ASCC2: variants seen among roughly 807,000 people sequenced by gnomAD.
The protein encoded by ASCC2 is activating signal cointegrator 1 complex subunit 2.
In ASCC2, 42 loss-of-function variants were observed where a neutral mutation model predicts 93.5. The observed-to-expected ratio is 0.45, with a 90% CI of 0.35 to 0.58. The LOEUF is 0.58. Ranked by LOEUF, ASCC2 falls within the 20% of genes least tolerant of loss-of-function variation. ASCC2 has a pLI of 0.00. For missense variants in ASCC2, 859 were observed against 977.6 expected (o/e 0.88, Z 1.62); for synonymous variants, 364 against 384.2 (o/e 0.95, Z 0.62).
intron 6 of ASCC2, chr22:29,815,115 T>C (rs1289535242): frequency 1.3e-5 from 3 of 226,178 alleles, no homozygotes; most frequent in South Asian, 5.2e-5. Flanking sequence ...GGCAACATGG[T>C]GAGACCCCCA....
At chr22:29,804,360 TC>T (rs1395734498) in intron 13 of ASCC2, among the ~76,000 whole-genome samples, 1 of 152,166 alleles carries the variant, frequency 6.6e-6, no homozygotes, top group East Asian at 1.9e-4. Flanking sequence ...ATGGAAACGT[TC>T]ATGGAAAGTT....
rs1234936582 is a variant in ASCC2, at chr22:29,807,147, A to G, written c.909-243T>C. On this transcript the variant is annotated intron_variant, in intron 9 of 19. Transcript: ENST00000307790. Reference sequence around the variant, plus strand: ...TTCCAGCTCCTGGGGAGGCTAAGGCAGGGGGATCGCATTCGCCTGGGAGGT... The same window carrying G: ...TTCCAGCTCCTGGGGAGGCTAAGGCGGGGGGATCGCATTCGCCTGGGAGGT... 3.6e-5 allele frequency among the ~76,000 whole-genome samples: 5 copies of G among 139,988 alleles called. No homozygotes were observed. The East Asian group carries it at 1.2e-3, about 33-fold the overall frequency. The allele number at this position is 139,988 out of a possible 152,430, so 91.8% of individuals were successfully genotyped here.
chr22:29,823,008 C>A (rs2061781792), intron 4 of ASCC2, among the ~76,000 whole-genome samples: 1 of 151,396 alleles, frequency 6.6e-6, no homozygotes, highest in African/African-American at 2.4e-5. Context: ...GTGTAAGCCA[C>A]AGTGCCCAGC....
intron 7 of ASCC2, 54 bp from the exon 8 acceptor site, chr22:29,813,596 T>G: frequency 8.4e-7 from 1 of 1,195,738 alleles, no homozygotes; most frequent in Non-Finnish European, 1.2e-6. Flanking sequence ...CATACAGATC[T>G]GCAGAGCACC....
intron 4 of ASCC2, among the ~76,000 whole-genome samples, chr22:29,824,276 AC>A (rs2148212435): frequency 6.6e-6 from 1 of 152,022 alleles, no homozygotes; most frequent in East Asian, 1.9e-4. Context: ...ACACACACAC[AC>A]ACACACACAC....
intron 17 of ASCC2, among the ~76,000 whole-genome samples, chr22:29,792,982 C>CA (rs1351687657): frequency 3.3e-5 from 5 of 151,878 alleles, no homozygotes; most frequent in African/African-American, 9.7e-5. Flanking sequence ...CCCACCTCCA[C>CA]AAAAAATAAA....
chr22:29,814,521 G>T, intron 7 of ASCC2, 136 bp downstream of exon 7: 1 of 624,182 alleles, frequency 1.6e-6, no homozygotes, highest in Non-Finnish European at 2.7e-6. Flanking sequence ...GTTGCTCACT[G>T]TGCTGGAGGA....
At chr22:29,833,656 A>G (rs762586623) in intron 1 of ASCC2, 3 of 470,596 alleles carry the variant, frequency 6.4e-6, no homozygotes, top group South Asian at 4.6e-5. Context: ...GAATCACGGA[A>G]TAGAAGTGTA....
intron 8 of ASCC2, among the ~76,000 whole-genome samples, chr22:29,812,262 T>A (rs1443887282): frequency 6.6e-6 from 1 of 152,150 alleles, no homozygotes; most frequent in Non-Finnish European, 1.5e-5. Context: ...GGGAGAAACG[T>A]CTTGCTAGAG....
intron 5 of ASCC2, among the ~76,000 whole-genome samples, chr22:29,817,158 G>A (rs897607065): frequency 2.6e-5 from 4 of 152,120 alleles, no homozygotes; most frequent in Non-Finnish European, 4.4e-5. Flanking sequence ...CCAGAAAGCT[G>A]AGTTTTACCA....
At position 29,811,478 on chromosome 22, in the gene ASCC2, G is replaced by A. The variant is rs192618129; in HGVS notation, c.833+1952C>T. Among the ~76,000 whole-genome samples, 256 of 152,330 alleles carry A rather than the reference G, an allele frequency of 1.7e-3. 1 individual carries two copies. Among genetic ancestry groups the A allele is most frequent in the African/African-American group, 5.6e-3 (231 of 41,584 alleles). On this transcript the variant is annotated intron_variant, in intron 8 of 19. Coordinates refer to ENST00000307790, the MANE Select transcript of ASCC2 (RefSeq NM_032204.5). ...TATACTTGAATAGATGGGAAAGGAA[G>A]GAGGAAAAAGGTTATTTTGAGAGGG...
intron 8 of ASCC2, among the ~76,000 whole-genome samples, chr22:29,812,548 C>A (rs1320387073): frequency 6.6e-6 from 1 of 152,202 alleles, no homozygotes; most frequent in African/African-American, 2.4e-5. Context: ...AAAGGCCCTG[C>A]CAGCACATCC....
At chr22:29,819,263 C>T (rs930304046) in intron 5 of ASCC2, among the ~76,000 whole-genome samples, 7 of 152,074 alleles carry the variant, frequency 4.6e-5, no homozygotes, top group Admixed American at 1.3e-4. Flanking sequence ...CAGGTTCAAG[C>T]GATTCTCCTG....
intron 8 of ASCC2, among the ~76,000 whole-genome samples, chr22:29,812,814 G>A (rs1376589977): frequency 1.3e-5 from 2 of 151,938 alleles, no homozygotes; most frequent in African/African-American, 4.8e-5. Flanking sequence ...CCATGTTGGA[G>A]CACTCCTGTT....
chr22:29,814,645 G>A lies in ASCC2; in HGVS notation c.720+12C>T. The A allele has an allele frequency of 6.3e-7, 1 of 1,583,718 alleles. No individual in the cohort carries two copies. On this transcript the variant is annotated intron_variant, in intron 7 of 19. Coordinates refer to ENST00000307790, the MANE Select transcript of ASCC2 (RefSeq NM_032204.5). ...CCGGCAGGAAAGAGACTGGGCCGAA[G>A]GGCAACCTTACCAGGAGAGGCATGT... is the stretch of plus-strand genomic sequence containing the variant.
intron 2 of ASCC2, among the ~76,000 whole-genome samples, chr22:29,827,759 C>CACACACAA (rs1568952683): frequency 2.0e-5 from 2 of 102,402 alleles, no homozygotes; most frequent in Non-Finnish European, 3.8e-5. Context: ...ATTCTCCCGA[C>CACACACAA]ACACACACAC....
chr22:29,817,405 T>C (rs1315211279), intron 5 of ASCC2, among the ~76,000 whole-genome samples: 3 of 151,440 alleles, frequency 2.0e-5, no homozygotes, highest in Admixed American at 1.3e-4. Context: ...CAGGCCACCC[T>C]TTCCCCCTTC....
Position 29,789,079 on chromosome 22 carries a change from T to C in ASCC2, c.2208A>G (p.Thr736=), listed in dbSNP as rs774480702. 6.2e-7 allele frequency: 1 copy of C among 1,614,190 alleles called. No individual in the cohort carries two copies. Among genetic ancestry groups the C allele is most frequent in the Non-Finnish European group, 8.5e-7 (1 of 1,180,020 alleles). ...TGGTTCTCCGGTTGTGGTTGGCTCTTGTCGCCTTGTTGGCTTCCTTCTTCC... is the reference window on the plus strand; with the variant it reads ...TGGTTCTCCGGTTGTGGTTGGCTCTCGTCGCCTTGTTGGCTTCCTTCTTCC... ...ERRKKEANKA[T]RANHNRRTMA... is the part of the protein sequence containing the mutation. The change falls in exon 20 of 20, where the codon ACA becomes ACG. Residue 736 remains threonine, a synonymous_variant. Transcript: ENST00000307790.
At chr22:29,805,004 G>A (rs919799960) in intron 12 of ASCC2, among the ~76,000 whole-genome samples, 174 bp from the exon 13 acceptor site, 1 of 152,160 alleles carries the variant, frequency 6.6e-6, no homozygotes, top group African/African-American at 2.4e-5. Context: ...CCAGACTACA[G>A]CCACTCTGGC....
Sources: allele counts gnomAD v4.1 joint callset (sites outside exome capture counted in the v4.1 genomes callset), GRCh38; gene constraint gnomAD v4.1.1; transcripts MANE v1.5; gene names NCBI Gene and HGNC (gene_info 2026-07-23, HGNC 2026-07-21).